Variants in THSD4 observed in about 807,000 individuals in gnomAD.
THSD4 encodes thrombospondin type-1 domain-containing protein 4.
In THSD4, 69 loss-of-function variants were observed where a neutral mutation model predicts 119.0. The observed-to-expected ratio is 0.58, with a 90% CI of 0.48 to 0.71. THSD4 has a LOEUF of 0.71. Ranked by LOEUF, THSD4 falls within the 30% of genes least tolerant of loss-of-function variation. The probability of loss-of-function intolerance (pLI) is 0.00; values close to 1 mark genes in which losing one functional copy is unlikely to be tolerated. For missense variants in THSD4, 1,393 were observed against 1,391.1 expected, an observed-to-expected ratio of 1.00 and a Z score of -0.02; for synonymous variants, 524 against 540.4, an observed-to-expected ratio of 0.97 and a Z score of 0.42.
intron 3 of THSD4, among the ~76,000 whole-genome samples, chr15:71,201,630 A>G (rs901640414): frequency 4.7e-4 from 71 of 152,218 alleles, no homozygotes; most frequent in Non-Finnish European, 1.3e-4. Context: ...TCTAGTTTCA[A>G]CAACTGCTAG....
intron 6 of THSD4, among the ~76,000 whole-genome samples, chr15:71,330,548 T>G (rs1389712088): frequency 6.6e-6 from 1 of 152,140 alleles, no homozygotes; most frequent in Non-Finnish European, 1.5e-5. Context: ...TTCTGTAAAA[T>G]GGAAGTAATA....
chr15:71,774,133 G>A (rs553927997), intron 17 of THSD4, among the ~76,000 whole-genome samples: 71 of 152,002 alleles, frequency 4.7e-4, no homozygotes, highest in Non-Finnish European at 7.9e-4. Context: ...GCAACATGGT[G>A]AAATCCTTCT....
chr15:71,698,891 G>C (rs2141066658), intron 8 of THSD4, among the ~76,000 whole-genome samples: 1 of 152,108 alleles, frequency 6.6e-6, no homozygotes, highest in South Asian at 2.1e-4. Context: ...GCAAAGAGTA[G>C]AGTGGTGGTT....
chr15:71,335,261 C>T (rs1032032582), intron 6 of THSD4, among the ~76,000 whole-genome samples: 14 of 152,114 alleles, frequency 9.2e-5, no homozygotes, highest in Non-Finnish European at 1.5e-4. Flanking sequence ...ACTTCTTCTG[C>T]TTTTAGTTGA....
chr15:71,663,147 G>C (rs2051344390), intron 8 of THSD4, among the ~76,000 whole-genome samples: 1 of 152,122 alleles, frequency 6.6e-6, no homozygotes. Context: ...AGCTACTTGG[G>C]AGGCTTAGGC....
chr15:71,141,173 A>G (rs1257941978), intron 1 of THSD4, among the ~76,000 whole-genome samples: 1 of 152,240 alleles, frequency 6.6e-6, no homozygotes, highest in Non-Finnish European at 1.5e-5. Flanking sequence ...TGTGCCTAGC[A>G]CCAGCTCCCC....
At chr15:71,324,175 G>A (rs1006216025) in intron 6 of THSD4, among the ~76,000 whole-genome samples, 1 of 151,654 alleles carries the variant, frequency 6.6e-6, no homozygotes, top group African/African-American at 2.4e-5. Context: ...AATTGTGATA[G>A]CTGTTTTTTG....
chr15:71,432,206 T>A (rs914001299), intron 7 of THSD4, among the ~76,000 whole-genome samples: 2 of 152,234 alleles, frequency 1.3e-5, no homozygotes, highest in South Asian at 4.1e-4. Context: ...TTTAACATAC[T>A]GAGTATGCCT....
At chr15:71,312,687 C>T (rs2045128428) in intron 6 of THSD4, among the ~76,000 whole-genome samples, 1 of 152,096 alleles carries the variant, frequency 6.6e-6, no homozygotes, top group African/African-American at 2.4e-5. Flanking sequence ...TTACCTCTGG[C>T]CTCATACCTT....
intron 6 of THSD4, among the ~76,000 whole-genome samples, chr15:71,366,606 C>T (rs1409963077): frequency 6.6e-6 from 1 of 152,140 alleles, no homozygotes; most frequent in Non-Finnish European, 1.5e-5. Flanking sequence ...TATGGGCCCT[C>T]TCAGTTGGGG....
At chr15:71,140,772 G>A (rs989957511) in intron 1 of THSD4, among the ~76,000 whole-genome samples, 13 of 151,898 alleles carry the variant, frequency 8.6e-5, no homozygotes, top group African/African-American at 2.7e-4. Flanking sequence ...TGGTATATTC[G>A]CAGGGTTGTA....
intron 8 of THSD4, among the ~76,000 whole-genome samples, chr15:71,689,122 T>C (rs918148460): frequency 6.6e-6 from 1 of 152,220 alleles, no homozygotes; most frequent in African/African-American, 2.4e-5. Flanking sequence ...TGAAAGATGG[T>C]TTATCTAAAA....
intron 7 of THSD4, among the ~76,000 whole-genome samples, chr15:71,638,591 T>C (rs192029911): frequency 6.6e-6 from 1 of 152,300 alleles, no homozygotes; most frequent in Admixed American, 6.5e-5. Flanking sequence ...CTAATTCTTC[T>C]CATAATCTCA....
intron 3 of THSD4, among the ~76,000 whole-genome samples, chr15:71,171,124 A>T (rs2141403622): frequency 6.6e-6 from 1 of 152,306 alleles, no homozygotes; most frequent in East Asian, 1.9e-4. Flanking sequence ...CAGAAAAAAT[A>T]TTTGAAGAAA....
intron 6 of THSD4, among the ~76,000 whole-genome samples, chr15:71,406,877 T>C (rs1016242738): frequency 2.6e-5 from 4 of 151,680 alleles, no homozygotes; most frequent in African/African-American, 9.7e-5. Context: ...AAAGATAGGG[T>C]TTTGCCATGT....
At chr15:71,556,344 G>A (rs2140871507) in intron 7 of THSD4, among the ~76,000 whole-genome samples, 1 of 151,754 alleles carries the variant, frequency 6.6e-6, no homozygotes, top group African/African-American at 2.4e-5. Flanking sequence ...TCTACACAAA[G>A]GTCTTATACA....
chr15:71,774,615 T>C (rs1274592528), intron 17 of THSD4, among the ~76,000 whole-genome samples: 6 of 151,984 alleles, frequency 3.9e-5, no homozygotes, highest in Admixed American at 6.5e-5. Flanking sequence ...CTTTCAAAAA[T>C]GTACAGGGGC....
chr15:71,418,142 T>A (rs2046778140), intron 7 of THSD4, among the ~76,000 whole-genome samples: 1 of 109,068 alleles, frequency 9.2e-6, no homozygotes, highest in African/African-American at 3.1e-5. Context: ...AATTTATCAA[T>A]TCTAATCATT....
chr15:71,483,782 G>A (rs1403910184), intron 7 of THSD4, among the ~76,000 whole-genome samples: 3 of 102,966 alleles, frequency 2.9e-5, no homozygotes, highest in African/African-American at 1.1e-4. Flanking sequence ...AGTGTGTGTT[G>A]TTCCCCTCCC....
Sources: gnomAD v4.1 joint callset for allele counts (sites outside exome capture counted in the v4.1 genomes callset) on GRCh38, gnomAD v4.1.1 for gene constraint, MANE v1.5 for transcripts, NCBI Gene and HGNC (gene_info 2026-07-23, HGNC 2026-07-21) for gene names.